UBAC2: variants seen among roughly 807,000 people sequenced by gnomAD.
UBAC2 encodes UBA domain containing 2, also known as ubiquitin-associated domain-containing protein 2.
A neutral mutation model predicts 44.0 loss-of-function variants in UBAC2; 26 were observed. That is an observed-to-expected ratio of 0.59 (90% CI 0.43 to 0.82). The LOEUF is 0.82. Among genes scored for constraint, UBAC2 ranks in the 40% least tolerant of loss-of-function variants. The pLI is 0.00. For missense variants in UBAC2, 329 were observed against 419.4 expected (o/e 0.78, Z 1.88); for synonymous variants, 155 against 154.3 (o/e 1.00, Z -0.04).
chr13:99,287,333 T>A (rs1225260472), intron 4 of UBAC2, among the ~76,000 whole-genome samples: 2 of 152,134 alleles, frequency 1.3e-5, no homozygotes, highest in Non-Finnish European at 2.9e-5. Flanking sequence ...TAGGAGATTG[T>A]TGGGACTGAG....
intron 4 of UBAC2, among the ~76,000 whole-genome samples, chr13:99,305,008 A>G (rs1411920210): frequency 1.3e-5 from 2 of 152,180 alleles, no homozygotes; most frequent in Non-Finnish European, 2.9e-5. Context: ...CAAATGAAGG[A>G]GTTTATTAGT....
chr13:99,280,836 T>C (rs1383129538), intron 4 of UBAC2, among the ~76,000 whole-genome samples: 98 of 149,322 alleles, frequency 6.6e-4, no homozygotes, highest in Admixed American at 4.3e-3. Context: ...TTTCCCTCTC[T>C]CTCTCTCTCT....
rs1450730232 is a variant in UBAC2 at position 99,295,533 on chromosome 13, A to G, written c.390-18564A>G. On this transcript the variant is annotated intron_variant, in intron 4 of 8. Coordinates refer to ENST00000403766, the MANE Select transcript of UBAC2 (RefSeq NM_001144072.2). This position sits in a 1 kb window ranked among gnomAD's most constrained non-coding sequence, Gnocchi z 4.1. ...AGAATGATTATAAGTGGAAGTACAT[A>G]TCCTATGAAACATGCCCCAAGCAGA... 1.2e-6 allele frequency: 2 copies of G among 1,613,888 alleles called. No individual in the cohort carries two copies. The highest frequency in any genetic ancestry group is 2.7e-5 in the African/African-American group (2 of 74,900).
chr13:99,375,283 A>AG (rs1185109797), intron 8 of UBAC2, among the ~76,000 whole-genome samples: 2 of 141,464 alleles, frequency 1.4e-5, no homozygotes, highest in Admixed American at 7.4e-5. Flanking sequence ...ATGTGAAAGG[A>AG]GGGGGGATCT....
intron 4 of UBAC2, among the ~76,000 whole-genome samples, chr13:99,265,755 T>C (rs2043735768): frequency 6.6e-6 from 1 of 152,194 alleles, no homozygotes; most frequent in Non-Finnish European, 1.5e-5. Flanking sequence ...GGTTATGCCA[T>C]GTCTCAAAAA....
chr13:99,281,599 C>T (rs1211381374), intron 4 of UBAC2, among the ~76,000 whole-genome samples: 1 of 152,144 alleles, frequency 6.6e-6, no homozygotes, highest in Non-Finnish European at 1.5e-5. Flanking sequence ...GGCTCAGAAA[C>T]CTTCAGCGCT....
At chr13:99,321,983 G>A (rs1305434950) in intron 6 of UBAC2, among the ~76,000 whole-genome samples, 1 of 152,152 alleles carries the variant, frequency 6.6e-6, no homozygotes, top group Non-Finnish European at 1.5e-5. Flanking sequence ...ATTGATAAAT[G>A]TTTTTGTGTT....
chr13:99,231,696 C>T (rs1257848079), intron 1 of UBAC2, among the ~76,000 whole-genome samples: 1 of 151,776 alleles, frequency 6.6e-6, no homozygotes, highest in Non-Finnish European at 1.5e-5. Flanking sequence ...TAGATGTGAG[C>T]CACCACGCCT....
At chr13:99,203,715 G>T (rs1372867034) in intron 1 of UBAC2, among the ~76,000 whole-genome samples, 2 of 152,118 alleles carry the variant, frequency 1.3e-5, no homozygotes, top group Admixed American at 1.3e-4. Context: ...CAATGAGAGG[G>T]TAACTGCAAA....
At chr13:99,372,857 G>A (rs2045426333) in intron 8 of UBAC2, among the ~76,000 whole-genome samples, 1 of 152,208 alleles carries the variant, frequency 6.6e-6, no homozygotes, top group Non-Finnish European at 1.5e-5. Flanking sequence ...GCCCACACCT[G>A]TGATCCCAGC....
intron 4 of UBAC2, among the ~76,000 whole-genome samples, chr13:99,277,461 G>A (rs545110823): frequency 1.3e-5 from 2 of 151,410 alleles, no homozygotes; most frequent in African/African-American, 4.9e-5. Flanking sequence ...GGAGGCGGAG[G>A]TTACAGTGAG....
At chr13:99,256,710 C>CAA (rs3031409) in intron 4 of UBAC2, among the ~76,000 whole-genome samples, 56,766 of 145,880 alleles carry the variant, frequency 0.39, 11,791 homozygotes, top group East Asian at 0.63. Flanking sequence ...TTTCCATCAC[C>CAA]AAAAAAAAAA....
chr13:99,358,888 T>A (rs2045226604), intron 7 of UBAC2, among the ~76,000 whole-genome samples: 1 of 152,104 alleles, frequency 6.6e-6, no homozygotes, highest in Non-Finnish European at 1.5e-5. Context: ...CCTTAACATT[T>A]AGATGAAAGT....
intron 4 of UBAC2, among the ~76,000 whole-genome samples, chr13:99,265,312 A>G (rs981333460): frequency 2.6e-5 from 4 of 152,358 alleles, no homozygotes; most frequent in African/African-American, 7.2e-5. Context: ...CAGTCTAAAG[A>G]GAGTCTTAAC....
chr13:99,202,169 C>T (rs1041991533), intron 1 of UBAC2, among the ~76,000 whole-genome samples: 15 of 151,984 alleles, frequency 9.9e-5, no homozygotes, highest in South Asian at 2.1e-4. Flanking sequence ...TTAGTATCAG[C>T]GCCACAGGCA....
At chr13:99,240,652 C>T (rs1355554019) in intron 2 of UBAC2, among the ~76,000 whole-genome samples, 1 of 152,124 alleles carries the variant, frequency 6.6e-6, no homozygotes, top group Admixed American at 6.5e-5. Flanking sequence ...CCTCATTGAT[C>T]ATATTGATGG....
At chr13:99,325,059 G>A (rs2044619343) in intron 6 of UBAC2, among the ~76,000 whole-genome samples, 1 of 148,240 alleles carries the variant, frequency 6.7e-6, no homozygotes, top group African/African-American at 2.5e-5. Context: ...AGTGGAGACA[G>A]GATTCAAATG....
chr13:99,288,712 A>G (rs2044051868), intron 4 of UBAC2, among the ~76,000 whole-genome samples: 1 of 152,252 alleles, frequency 6.6e-6, no homozygotes, highest in Admixed American at 6.5e-5. Flanking sequence ...CTAATTTAAT[A>G]TATTTTCCAT....
chr13:99,254,235 G>A (rs1249960995), intron 4 of UBAC2, among the ~76,000 whole-genome samples: 4 of 152,126 alleles, frequency 2.6e-5, no homozygotes, highest in African/African-American at 9.7e-5. Flanking sequence ...TTGGATTATT[G>A]GATAGAAATA....
Sources: gnomAD v4.1 joint callset for allele counts (sites outside exome capture counted in the v4.1 genomes callset) on GRCh38, gnomAD v4.1.1 for gene constraint, Gnocchi (gnomAD v3.1) non-coding constraint, MANE v1.5 for transcripts, NCBI Gene and HGNC (gene_info 2026-07-23, HGNC 2026-07-21) for gene names.